Variants in TOB1 observed in about 807,000 individuals in gnomAD.
The protein encoded by TOB1 is protein Tob1.
Under a neutral mutation model 22.9 loss-of-function variants are expected in TOB1, and 2 were observed. The observed-to-expected ratio is 0.09, with a 90% CI of 0.04 to 0.28. The LOEUF is 0.28. Among genes scored for constraint, TOB1 ranks in the 10% least tolerant of loss-of-function variants. The probability of loss-of-function intolerance (pLI) is 1.00; values close to 1 mark genes in which losing one functional copy is unlikely to be tolerated. For synonymous variants in TOB1, 154 were observed against 150.6 expected (o/e 1.02, Z -0.17); for missense variants, 299 against 420.5 (o/e 0.71, Z 2.53).
rs764364657 is a variant in TOB1 at position 50,863,961 on chromosome 17, C to T, written c.57G>A (p.Lys19=). ...LNFIISYLYN[K]LPRRRVNIFG... ...AAATGTTGACACGTCTCCTGGGAAG[C>T]TTATTGTACAAATACGAAATAATAA... is the stretch of plus-strand genomic sequence containing the variant. The change falls in exon 2 of 2, where the codon AAG becomes AAA. Residue 19 remains lysine (K), a synonymous_variant. Coordinates refer to ENST00000499247, the MANE Select transcript of TOB1 (RefSeq NM_005749.4). 6 of 1,593,780 alleles carry T rather than the reference C, an allele frequency of 3.8e-6. No homozygotes were observed. In the Admixed American group the frequency reaches 1.0e-4, roughly 27 times the overall value.
At position 50,863,353 on chromosome 17, in the gene TOB1, A is replaced by G. The variant is rs1163946056; in HGVS notation, c.665T>C (p.Ile222Thr). 6.2e-7 allele frequency: 1 copy of G among 1,614,022 alleles called. No homozygotes were observed. Among genetic ancestry groups the G allele is most frequent in the South Asian group, 1.1e-5 (1 of 91,080 alleles). ...NVNDLLKQKAISSSMHSLYGL... is the reference protein window; with the variant it reads ...NVNDLLKQKATSSSMHSLYGL... ...ATACAGAGAGTGCATTGAGGAAGAGATGGCTTTCTGCTTCAAGAGGTCATT... is the reference window on the plus strand; with the variant it reads ...ATACAGAGAGTGCATTGAGGAAGAGGTGGCTTTCTGCTTCAAGAGGTCATT... The change falls in exon 2 of 2, where the codon ATC (isoleucine) becomes ACC (threonine). Residue 222 changes from isoleucine (I) to threonine (T), a missense_variant. Ile to Thr is a moderately conservative substitution (Grantham distance 89). Coordinates refer to ENST00000499247, the MANE Select transcript of TOB1 (RefSeq NM_005749.4).
chr17:50,862,881 C>A lies in TOB1; in HGVS notation c.*99G>T, dbSNP rs1972234191. 2 of 1,417,462 alleles carry A rather than the reference C, an allele frequency of 1.4e-6. No homozygotes were observed. 87.8% of individuals were successfully genotyped at this position (1,417,462 alleles called of 1,614,324 possible). The stretch of plus-strand genomic sequence containing the variant: ...TTTTTTTAACCAAGCTTGAATGTAT[C>A]CTTACTATAAGCTTAAAAAAAAAAA... On this transcript the variant is annotated 3_prime_UTR_variant, in exon 2 of 2. Transcript: ENST00000499247.
chr17:50,862,972 T>TC lies in TOB1; in HGVS notation c.*7dup. On this transcript the variant is annotated 3_prime_UTR_variant, in exon 2 of 2. Transcript: ENST00000499247. ...GCATTTTAACTTGTACGATACATTT[T>TC]CTTTTTTTTAGTTAGCCATAACAGG... 6.3e-7 allele frequency: 1 copy of TC among 1,594,528 alleles called. No homozygotes were observed. Among genetic ancestry groups the TC allele is most frequent in the Non-Finnish European group, 8.5e-7 (1 of 1,171,110 alleles).
At chr17:50,866,840 C>T, upstream of TOB1, 1 of 152,512 alleles carries the variant, frequency 6.6e-6, no homozygotes, top group Non-Finnish European at 1.5e-5. Flanking sequence ...CCAGAAAGTG[C>T]CCTCTCCGCG....
At chr17:50,865,819 C>A (rs1229572189) in intron 1 of TOB1, among the ~76,000 whole-genome samples, 3 of 152,106 alleles carry the variant, frequency 2.0e-5, no homozygotes, top group Admixed American at 1.3e-4. Context: ...TTCCCGTCAG[C>A]TCGCCCCGGG....
At chr17:50,867,815 G>A (rs972648567), upstream of TOB1, 9 of 152,348 alleles carry the variant, frequency 5.9e-5, no homozygotes, top group Admixed American at 3.9e-4. Context: ...CGAGGAGTAG[G>A]GTGTCTACGG....
chr17:50,865,385 G>A (rs1479831540), intron 1 of TOB1, among the ~76,000 whole-genome samples: 1 of 152,226 alleles, frequency 6.6e-6, no homozygotes, highest in Non-Finnish European at 1.5e-5. Context: ...CCTTAAGACA[G>A]GCAGGAGTGT....
chr17:50,864,253 A>C, intron 1 of TOB1, 90 bp from the exon 2 acceptor site: 1 of 668,408 alleles, frequency 1.5e-6, no homozygotes, highest in Non-Finnish European at 2.1e-6. Context: ...ACCTTTCAAA[A>C]TGTCTAAGAT....
chr17:50,864,883 T>C (rs1005618314), intron 1 of TOB1, among the ~76,000 whole-genome samples: 1 of 152,250 alleles, frequency 6.6e-6, no homozygotes, highest in Non-Finnish European at 1.5e-5. Flanking sequence ...TGAAAATACC[T>C]ATTCGGCAGC....
upstream of TOB1, chr17:50,866,368 C>G (rs549959638): frequency 6.1e-3 from 923 of 152,342 alleles, 37 homozygotes; most frequent in Non-Finnish European, 2.1e-3. Flanking sequence ...GCGGCGCGCG[C>G]CCCGCCTCTC....
chr17:50,862,968 A>T lies in TOB1; in HGVS notation c.*12T>A, dbSNP rs774905049. 6.3e-7 allele frequency: 1 copy of T among 1,592,716 alleles called. No individual in the cohort carries two copies. Among genetic ancestry groups the T allele is most frequent in the Non-Finnish European group, 8.5e-7 (1 of 1,170,376 alleles). On this transcript the variant is annotated 3_prime_UTR_variant, in exon 2 of 2. Coordinates refer to ENST00000499247, the MANE Select transcript of TOB1 (RefSeq NM_005749.4). The stretch of plus-strand genomic sequence containing the variant: ...CCGTGCATTTTAACTTGTACGATAC[A>T]TTTTCTTTTTTTTAGTTAGCCATAA...
chr17:50,863,418 C>G lies in TOB1; in HGVS notation c.600G>C (p.Lys200Asn), dbSNP rs1972246636. The G allele has an allele frequency of 6.2e-7, 1 of 1,614,044 alleles. No individual in the cohort carries two copies. The highest frequency in any genetic ancestry group is 8.5e-7 in the Non-Finnish European group (1 of 1,180,040). ...TKMKNSGRSN[K>N]VARTSPINLG... Reference sequence around the variant, plus strand: ...GGTTGATGGGAGAAGTACGTGCAACCTTGTTGCTACGGCCACTATTCTTCA... The same window carrying G: ...GGTTGATGGGAGAAGTACGTGCAACGTTGTTGCTACGGCCACTATTCTTCA... Residue 200 changes from lysine to asparagine, a missense_variant, in exon 2 of 2, where the codon AAG (lysine) becomes AAC (asparagine). Transcript: ENST00000499247.
upstream of TOB1, chr17:50,866,670 A>G (rs1972316232): frequency 6.6e-6 from 1 of 152,352 alleles, no homozygotes; most frequent in Non-Finnish European, 1.5e-5. Context: ...GAACGTCTGG[A>G]AAGGGACTGT....
In TOB1 at chr17:50,863,259, T is replaced by TGGTGGC. The variant is rs773249365; in HGVS notation, c.753_758dup (p.Pro255_Pro256dup). ...GCTGTTGTTGCTGCTGTGGTGGTGG[T>TGGTGGC]GGTGGCGGTGGCGGCTGGGCTGGCT... On this transcript the variant is annotated inframe_insertion, in exon 2 of 2. Transcript: ENST00000499247. 42 of 1,613,712 alleles carry TGGTGGC rather than the reference T, an allele frequency of 2.6e-5. 1 individual carries two copies. In the African/African-American group the frequency reaches 2.7e-4, roughly 10 times the overall value.
chr17:50,864,197 A>T, intron 1 of TOB1, 34 bp from the exon 2 acceptor site: 2 of 1,245,290 alleles, frequency 1.6e-6, no homozygotes, highest in Admixed American at 7.1e-5. Flanking sequence ...CAAATAAGAT[A>T]AATGTAATAT....
In TOB1 at chr17:50,863,224, G is replaced by C; in HGVS notation, c.794C>G (p.Ser265Cys). The C allele has an allele frequency of 6.2e-7, 1 of 1,614,170 alleles. No homozygotes were observed. The highest frequency in any genetic ancestry group is 8.5e-7 in the Non-Finnish European group (1 of 1,180,044). Reference protein sequence around the residue: ...PPQQQQQQKTSALSPNAKEFI... With the variant: ...PPQQQQQQKTCALSPNAKEFI... ...TTCCTTGGCATTAGGAGAAAGAGCA[G>C]AGGTTTTCTGCTGTTGTTGCTGCTG... Residue 265 changes from serine (S) to cysteine (C), a missense_variant, in exon 2 of 2, where the codon TCT becomes TGT. By Grantham distance (112) the Ser-to-Cys change is moderately radical. Transcript: ENST00000499247.
Position 50,863,508 on chromosome 17 carries a change from C to A in TOB1, c.510G>T (p.Arg170=). The change falls in exon 2 of 2, where the codon CGG becomes CGT. Residue 170 remains arginine, a synonymous_variant. Transcript: ENST00000499247. ...SAAVSPTFMP[R]STQPLTFTTA... is the part of the protein sequence containing the mutation. ...TGGTAAAGGTTAAAGGCTGAGTGGA[C>A]CGGGGCATGAAGGTAGGGCTTACAG... is the stretch of plus-strand genomic sequence containing the variant. 4 of 1,614,080 alleles carry A rather than the reference C, an allele frequency of 2.5e-6. No individual in the cohort carries two copies. Among genetic ancestry groups the A allele is most frequent in the Non-Finnish European group, 3.4e-6 (4 of 1,180,004 alleles).
rs774508940 is a variant in TOB1, at chr17:50,863,757, T to C, written c.261A>G (p.Pro87=). ...GGTCGATCCAAACACTAAGATCCTGTGGCAGATTGCCACGAACATCATCAA... is the reference window on the plus strand; with the variant it reads ...GGTCGATCCAAACACTAAGATCCTGCGGCAGATTGCCACGAACATCATCAA... ...LDIDDVRGNL[P]QDLSVWIDPF... Residue 87 remains proline (P), a synonymous_variant, in exon 2 of 2, where the codon CCA becomes CCG. Coordinates refer to ENST00000499247, the MANE Select transcript of TOB1 (RefSeq NM_005749.4). 7 of 1,614,208 alleles carry C rather than the reference T, an allele frequency of 4.3e-6. No homozygotes were observed. The South Asian group carries it at 7.7e-5, about 18-fold the overall frequency.
In TOB1 at chr17:50,862,942, C is replaced by A; in HGVS notation, c.*38G>T. 6.5e-7 allele frequency: 1 copy of A among 1,534,046 alleles called. No individual in the cohort carries two copies. The highest frequency in any genetic ancestry group is 8.7e-7 in the Non-Finnish European group (1 of 1,143,252). ...GGTGAAAAAAAAAATCCCCCTTGGG[C>A]CCGTGCATTTTAACTTGTACGATAC... On this transcript the variant is annotated 3_prime_UTR_variant, in exon 2 of 2. Coordinates refer to ENST00000499247, the MANE Select transcript of TOB1 (RefSeq NM_005749.4).
Sources: allele counts gnomAD v4.1 joint callset (sites outside exome capture counted in the v4.1 genomes callset), GRCh38; gene constraint gnomAD v4.1.1; transcripts MANE v1.5; gene names NCBI Gene and HGNC (gene_info 2026-07-23, HGNC 2026-07-21).